The following ABCD3 variants were observed in gnomAD, a reference collection of about 807,000 sequenced individuals.
The protein encoded by ABCD3 is ATP binding cassette subfamily D member 3, also known as ATP-binding cassette sub-family D member 3.
Under a neutral mutation model 105.5 loss-of-function variants are expected in ABCD3, and 41 were observed. That is an observed-to-expected ratio of 0.39 (90% CI 0.30 to 0.50). The LOEUF is 0.50. Among genes scored for constraint, ABCD3 ranks in the 20% least tolerant of loss-of-function variants. The pLI, the probability that ABCD3 is intolerant of heterozygous loss-of-function variation, is 0.84. For missense variants in ABCD3, 622 were observed against 806.3 expected (o/e 0.77, Z 2.77); for synonymous variants, 258 against 269.0 (o/e 0.96, Z 0.40).
upstream of ABCD3, among the ~76,000 whole-genome samples, chr1:94,416,149 C>T (rs931608814): frequency 6.6e-6 from 1 of 152,196 alleles, no homozygotes; most frequent in Non-Finnish European, 1.5e-5. Flanking sequence ...GTACTTCCTT[C>T]ACTGTTACAA....
intron 1 of ABCD3, among the ~76,000 whole-genome samples, chr1:94,457,590 T>C (rs1436974933): frequency 6.6e-6 from 1 of 151,770 alleles, no homozygotes; most frequent in African/African-American, 2.4e-5. Context: ...CACCTTAGAG[T>C]CTGGCTCAGC....
At chr1:94,465,020 C>G (rs150557935) in intron 3 of ABCD3, 147 bp downstream of exon 3, 1 of 724,748 alleles carries the variant, frequency 1.4e-6, no homozygotes, top group African/African-American at 1.8e-5. Flanking sequence ...CCTCCACTTC[C>G]GGGGAGGCCT....
the ABCD3 span, among the ~76,000 whole-genome samples, chr1:94,407,940 G>A: frequency 7.2e-5 from 11 of 152,244 alleles, no homozygotes; most frequent in Non-Finnish European, 1.3e-4. Flanking sequence ...CAGCAATGCC[G>A]ATTCATTTAT....
At chr1:94,454,179 T>C (rs934718734) in intron 1 of ABCD3, among the ~76,000 whole-genome samples, 3 of 152,170 alleles carry the variant, frequency 2.0e-5, no homozygotes, top group African/African-American at 7.2e-5. Context: ...CAAGTGAGAA[T>C]ATTATAATAG....
At chr1:94,491,859 T>C (rs1412896397) in intron 16 of ABCD3, among the ~76,000 whole-genome samples, 1 of 152,086 alleles carries the variant, frequency 6.6e-6, no homozygotes, top group Non-Finnish European at 1.5e-5. Flanking sequence ...AGGGTTACTA[T>C]TTAGGTTTTC....
At chr1:94,498,034 CTCTCTT>C (rs1649902707) in intron 16 of ABCD3, among the ~76,000 whole-genome samples, 1 of 152,064 alleles carries the variant, frequency 6.6e-6, no homozygotes, top group African/African-American at 2.4e-5. Context: ...TAAACTTTAT[CTCTCTT>C]TATCTTAAGT....
At chr1:94,442,191 A>G (rs1165192021) in intron 1 of ABCD3, among the ~76,000 whole-genome samples, 2 of 152,228 alleles carry the variant, frequency 1.3e-5, no homozygotes, top group Non-Finnish European at 2.9e-5. Flanking sequence ...GCAGATTTTC[A>G]GTATGTTTGC....
At chr1:94,393,102 T>G in the ABCD3 span, among the ~76,000 whole-genome samples, 2 of 150,376 alleles carry the variant, frequency 1.3e-5, no homozygotes, top group Non-Finnish European at 1.5e-5. Context: ...CGAGACTCCA[T>G]CTCAAAAAAA....
the ABCD3 span, among the ~76,000 whole-genome samples, chr1:94,397,099 C>T: frequency 6.6e-6 from 1 of 152,054 alleles, no homozygotes; most frequent in Non-Finnish European, 1.5e-5. Flanking sequence ...TTTATCATAA[C>T]CTTTTTATAA....
At chr1:94,445,771 C>T (rs1660321986) in intron 1 of ABCD3, among the ~76,000 whole-genome samples, 1 of 152,146 alleles carries the variant, frequency 6.6e-6, no homozygotes, top group Non-Finnish European at 1.5e-5. Context: ...TTACAGGAGT[C>T]TCTTAAAAAG....
At chr1:94,480,879 T>G (rs965152257) in intron 9 of ABCD3, among the ~76,000 whole-genome samples, 2 of 152,220 alleles carry the variant, frequency 1.3e-5, no homozygotes, top group African/African-American at 2.4e-5. Flanking sequence ...CATAATCAGT[T>G]TACAATTCAA....
chr1:94,433,296 A>G (rs1347145278), intron 1 of ABCD3, among the ~76,000 whole-genome samples: 1 of 152,004 alleles, frequency 6.6e-6, no homozygotes, highest in Non-Finnish European at 1.5e-5. Context: ...CTGGGATTAC[A>G]GGCATGTGCC....
chr1:94,506,467 A>T (rs1650355714), intron 20 of ABCD3, 71 bp from the exon 21 acceptor site: 3 of 877,262 alleles, frequency 3.4e-6, no homozygotes, highest in South Asian at 2.6e-5. Flanking sequence ...CATATTTAAC[A>T]TAAGTTTGTT....
chr1:94,427,353 T>C (rs540285517), intron 1 of ABCD3, among the ~76,000 whole-genome samples: 25 of 152,310 alleles, frequency 1.6e-4, no homozygotes, highest in Middle Eastern at 3.4e-3. Context: ...GTGAACAAAA[T>C]TTACAAAAAT....
intron 3 of ABCD3, among the ~76,000 whole-genome samples, chr1:94,466,191 T>C (rs1042845937): frequency 6.6e-6 from 1 of 152,222 alleles, no homozygotes; most frequent in Non-Finnish European, 1.5e-5. Flanking sequence ...CGTTTTGATA[T>C]ATAGTCATCC....
At chr1:94,449,462 T>C (rs769236679) in intron 1 of ABCD3, among the ~76,000 whole-genome samples, 9 of 152,222 alleles carry the variant, frequency 5.9e-5, no homozygotes, top group Non-Finnish European at 8.8e-5. Context: ...ATTATACTTA[T>C]TGGGCATATT....
chr1:94,420,037 A>G (rs140188554), intron 1 of ABCD3, among the ~76,000 whole-genome samples: 1 of 152,348 alleles, frequency 6.6e-6, no homozygotes, highest in African/African-American at 2.4e-5. Context: ...GTTTCAGGGC[A>G]TAGAACAGGT....
chr1:94,439,113 A>T (rs1346232108), intron 1 of ABCD3, among the ~76,000 whole-genome samples: 2 of 152,168 alleles, frequency 1.3e-5, no homozygotes, highest in Non-Finnish European at 2.9e-5. Context: ...ATGGAACAAT[A>T]ATCTCTGAAT....
intron 1 of ABCD3, among the ~76,000 whole-genome samples, chr1:94,444,702 A>T (rs1358755860): frequency 6.6e-6 from 1 of 152,140 alleles, no homozygotes; most frequent in Non-Finnish European, 1.5e-5. Flanking sequence ...CAGTGGTTTC[A>T]GCGATTATCT....
Sources: allele counts gnomAD v4.1 joint callset (sites outside exome capture counted in the v4.1 genomes callset), GRCh38; gene constraint gnomAD v4.1.1; transcripts MANE v1.5; gene names NCBI Gene and HGNC (gene_info 2026-07-23, HGNC 2026-07-21).